HACE1: variants seen among roughly 807,000 people sequenced by gnomAD.
HACE1 encodes E3 ubiquitin-protein ligase HACE1.
Under a neutral mutation model 118.4 loss-of-function variants are expected in HACE1, and 73 were observed. The ratio of observed to expected loss-of-function variants is 0.62; its 90% CI spans 0.51 to 0.75. The LOEUF (loss-of-function observed/expected upper bound fraction) is 0.75. Among genes scored for constraint, HACE1 ranks in the 30% least tolerant of loss-of-function variants. The pLI is 0.00. For missense variants in HACE1, 749 were observed against 1,102.2 expected (o/e 0.68, Z 4.54); for synonymous variants, 368 against 374.8 (o/e 0.98, Z 0.21).
At chr6:104,816,966 C>T (rs76289401) in intron 6 of HACE1, among the ~76,000 whole-genome samples, 4,803 of 152,174 alleles carry the variant, frequency 0.032, 242 homozygotes, top group African/African-American at 0.11. Flanking sequence ...GGGCCTGTAG[C>T]CTTTGTGTTT....
At chr6:104,792,588 A>G (rs1783141217) in intron 10 of HACE1, among the ~76,000 whole-genome samples, 2 of 152,208 alleles carry the variant, frequency 1.3e-5, no homozygotes, top group Non-Finnish European at 2.9e-5. Context: ...ACTTCTGCGC[A>G]GAACAGCAGG....
At chr6:104,752,113 T>C (rs1778124299) in intron 19 of HACE1, among the ~76,000 whole-genome samples, 1 of 152,196 alleles carries the variant, frequency 6.6e-6, no homozygotes. Flanking sequence ...GCTCCTTTTA[T>C]AATTTAACAC....
intron 5 of HACE1, among the ~76,000 whole-genome samples, chr6:104,839,960 T>C (rs1401635748): frequency 6.6e-6 from 1 of 152,122 alleles, no homozygotes; most frequent in Non-Finnish European, 1.5e-5. Context: ...GAGCTGAGAT[T>C]GCACTACTGC....
intron 22 of HACE1, among the ~76,000 whole-genome samples, chr6:104,736,065 G>A (rs1317753267): frequency 6.6e-6 from 1 of 151,726 alleles, no homozygotes; most frequent in Non-Finnish European, 1.5e-5. Context: ...TAGGAATACA[G>A]ATTGGAAGTG....
rs557053060 is a variant in HACE1, at chr6:104,751,716, A to G, written c.2212-1244T>C. On this transcript the variant is annotated intron_variant, in intron 19 of 23. Transcript: ENST00000262903. ...ATGAATTATATACAGAGAGAGAAAGAGTATGTGCCTGTATACACATATAAA... is the reference window on the plus strand; with the variant it reads ...ATGAATTATATACAGAGAGAGAAAGGGTATGTGCCTGTATACACATATAAA... Among the ~76,000 whole-genome samples the G allele has an allele frequency of 2.6e-5, 4 of 152,248 alleles. No homozygotes were observed. The South Asian group carries it at 8.3e-4, about 32-fold the overall frequency.
In HACE1 at chr6:104,850,950, C is replaced by T; in HGVS notation, c.178G>A (p.Ala60Thr). Residue 60 changes from alanine to threonine, a missense_variant, in exon 3 of 24, where the codon GCA (alanine) becomes ACA (threonine). Coordinates refer to ENST00000262903, the MANE Select transcript of HACE1 (RefSeq NM_020771.4). ...AAGCTTCTTTTCACACGTCCGAATG[C>T]ATAATTGACATCAAATTTTGAATTT... The part of the protein sequence containing the change: ...LSNSKFDVNY[A>T]FGRVKRSLLH... 1 of 1,610,096 alleles carries T rather than the reference C, an allele frequency of 6.2e-7. No homozygotes were observed. The highest frequency in any genetic ancestry group is 8.5e-7 in the Non-Finnish European group (1 of 1,176,358).
chr6:104,856,042 A>C (rs746115683), intron 1 of HACE1, among the ~76,000 whole-genome samples: 6 of 152,222 alleles, frequency 3.9e-5, no homozygotes, highest in Admixed American at 6.5e-5. Flanking sequence ...CTAGAAGAAG[A>C]CTATCCAAGA....
chr6:104,768,599 G>GA (rs1241607580), intron 19 of HACE1, among the ~76,000 whole-genome samples: 3 of 147,488 alleles, frequency 2.0e-5, no homozygotes, highest in Non-Finnish European at 4.5e-5. Context: ...GGTAACATTA[G>GA]AAAAAAAAGG....
At chr6:104,766,770 C>A (rs1006068418) in intron 19 of HACE1, 1 of 152,170 alleles carries the variant, frequency 6.6e-6, no homozygotes, top group Non-Finnish European at 1.5e-5. Context: ...TGCCCTCGGG[C>A]AGTTATTTAA....
Position 104,795,686 on chromosome 6 carries a change from C to T in HACE1, c.817-1G>A, listed in dbSNP as rs1769543661. On this transcript the variant is annotated splice_acceptor_variant, in intron 9 of 23. Coordinates refer to ENST00000262903, the MANE Select transcript of HACE1 (RefSeq NM_020771.4). LOFTEE classifies it high-confidence loss of function. Reference sequence around the variant, plus strand: ...ACAAATGCTCCAGAACTTGCCGTAACTAAATTTTTTACAAATAAAAAAATG... The same window carrying T: ...ACAAATGCTCCAGAACTTGCCGTAATTAAATTTTTTACAAATAAAAAAATG... 2 of 1,587,560 alleles carry T rather than the reference C, an allele frequency of 1.3e-6. No homozygotes were observed. The highest frequency in any genetic ancestry group is 1.7e-6 in the Non-Finnish European group (2 of 1,156,174).
intron 21 of HACE1, 50 bp downstream of exon 21, chr6:104,744,462 A>G (rs895524654): frequency 1.8e-6 from 2 of 1,081,366 alleles, no homozygotes; most frequent in Middle Eastern, 2.0e-4. Flanking sequence ...AAAGCTTACA[A>G]AATTAAACGG....
chr6:104,761,856 AAAAC>A (rs1214320987), intron 19 of HACE1, among the ~76,000 whole-genome samples: 4 of 152,216 alleles, frequency 2.6e-5, no homozygotes, highest in Admixed American at 6.5e-5. Flanking sequence ...TTACAAGAAA[AAAAC>A]AAACAACCCC....
intron 22 of HACE1, among the ~76,000 whole-genome samples, chr6:104,736,627 T>G (rs1450943801): frequency 6.6e-6 from 1 of 152,094 alleles, no homozygotes; most frequent in Non-Finnish European, 1.5e-5. Flanking sequence ...GTGGGAAGGG[T>G]GGTAAGTTAT....
intron 5 of HACE1, among the ~76,000 whole-genome samples, chr6:104,833,880 G>T (rs1408933255): frequency 6.6e-6 from 1 of 152,156 alleles, no homozygotes; most frequent in Non-Finnish European, 1.5e-5. Flanking sequence ...AGCTACTTGG[G>T]AGGCTGAGGC....
chr6:104,783,423 G>A (rs909354872), intron 14 of HACE1, among the ~76,000 whole-genome samples: 16 of 152,206 alleles, frequency 1.1e-4, no homozygotes, highest in Admixed American at 9.2e-4. Flanking sequence ...ACCATTTATT[G>A]AGCATATATC....
In HACE1 at chr6:104,791,590, C is replaced by T. The variant is rs142150565; in HGVS notation, c.988G>A (p.Val330Ile). The T allele has an allele frequency of 4.3e-4, 687 of 1,609,984 alleles. No individual in the cohort carries two copies. Among genetic ancestry groups the T allele is most frequent in the Non-Finnish European group, 4.6e-4 (540 of 1,176,326 alleles). ...LLRIVRMFCH[V>I]FRIGPSSPSN... ...GGGGAGGATGGACCAATTCGAAAGA[C>T]GTGACAAAACATTCTCACAATCCTT... Residue 330 changes from valine (V) to isoleucine (I), a missense_variant, in exon 11 of 24, where the codon GTC (valine) becomes ATC (isoleucine). Coordinates refer to ENST00000262903, the MANE Select transcript of HACE1 (RefSeq NM_020771.4).
chr6:104,806,634 C>G (rs899772287), intron 7 of HACE1, among the ~76,000 whole-genome samples: 3 of 152,046 alleles, frequency 2.0e-5, no homozygotes, highest in Non-Finnish European at 4.4e-5. Flanking sequence ...AAAGATTTTT[C>G]AGTTTAAATA....
chr6:104,806,986 T>C (rs1427203723), intron 7 of HACE1, among the ~76,000 whole-genome samples: 1 of 151,960 alleles, frequency 6.6e-6, no homozygotes, highest in Non-Finnish European at 1.5e-5. Context: ...TCCGTTCCTA[T>C]GCTGAAAGTT....
chr6:104,806,821 A>G lies in HACE1; in HGVS notation c.617+4490T>C, dbSNP rs1211228722. 2.6e-5 allele frequency among the ~76,000 whole-genome samples: 4 copies of G among 152,272 alleles called. No homozygotes were observed. In the East Asian group the frequency reaches 5.8e-4, roughly 22 times the overall value. The stretch of plus-strand genomic sequence containing the variant: ...TAATAAGAAACTTGTGGTGGCTTCT[A>G]AAGCACTTAGACCTGATTTCTCAAA... On this transcript the variant is annotated intron_variant, in intron 7 of 23. Coordinates refer to ENST00000262903, the MANE Select transcript of HACE1 (RefSeq NM_020771.4).
Sources: allele counts gnomAD v4.1 joint callset (sites outside exome capture counted in the v4.1 genomes callset), GRCh38; gene constraint gnomAD v4.1.1; transcripts MANE v1.5; gene names NCBI Gene and HGNC (gene_info 2026-07-23, HGNC 2026-07-21).